NEB: variants seen among roughly 807,000 people sequenced by gnomAD.
NEB encodes the protein nemaline myopathy type 2.
NEB carries 512 observed loss-of-function variants against 952.2 expected under a neutral mutation model. The observed-to-expected ratio is 0.54, with a 90% CI of 0.50 to 0.58. The LOEUF is 0.58. Among genes scored for constraint, NEB ranks in the 20% least tolerant of loss-of-function variants. NEB has a pLI of 0.00. For synonymous variants in NEB, 2,900 were observed against 3,149.8 expected (o/e 0.92, Z 2.66); for missense variants, 8,428 against 9,231.1 (o/e 0.91, Z 3.56).
At chr2:151,554,708 T>TTA (rs2095534433) in intron 125 of NEB, among the ~76,000 whole-genome samples, 2 of 152,250 alleles carry the variant, frequency 1.3e-5, no homozygotes, top group Non-Finnish European at 2.9e-5. Context: ...ACTGTACCTT[T>TTA]TCTATGTTTA....
chr2:151,552,455 C>T (rs1024195874), intron 128 of NEB, among the ~76,000 whole-genome samples: 1 of 152,174 alleles, frequency 6.6e-6, no homozygotes, highest in Non-Finnish European at 1.5e-5. Flanking sequence ...ACTTCATAGA[C>T]TCGCATCACC....
At chr2:151,514,955 G>T in intron 157 of NEB, 27 bp from the exon 158 acceptor site, 2 of 1,404,502 alleles carry the variant, frequency 1.4e-6, no homozygotes, top group Non-Finnish European at 2.0e-6. Context: ...GGAAAGACAA[G>T]TTAAAAAAAA....
intron 40 of NEB, among the ~76,000 whole-genome samples, chr2:151,667,195 A>C (rs949371938): frequency 6.6e-6 from 1 of 151,878 alleles, no homozygotes; most frequent in Non-Finnish European, 1.5e-5. Context: ...CTTCATGGAA[A>C]TTATAAAATT....
At chr2:151,565,265 T>C in intron 116 of NEB, 117 bp from the exon 117 acceptor site, 1 of 670,212 alleles carries the variant, frequency 1.5e-6, no homozygotes, top group East Asian at 2.7e-5. Flanking sequence ...CTGGTTGAAT[T>C]TTAGCCCATT....
rs773556106 is a variant in NEB, at chr2:151,570,277, C to A, written c.17234G>T (p.Arg5745Leu). 4 of 1,613,600 alleles carry A rather than the reference C, an allele frequency of 2.5e-6. No homozygotes were observed. The highest frequency in any genetic ancestry group is 3.4e-6 in the Non-Finnish European group (4 of 1,179,768). Residue 5745 changes from arginine (R) to leucine (L), a missense_variant, in exon 109 of 182, where the codon CGA becomes CTA. Physicochemically the swap from Arg to Leu is moderately radical, Grantham distance 102. Around this residue, in one of 11 missense-constraint regions of NEB, gnomAD observed 3,374 missense variants for 3,651.5 expected, o/e 0.92. Coordinates refer to ENST00000397345, the MANE Select transcript of NEB (RefSeq NM_001164508.2). The part of the protein sequence containing the change: ...ALIADKLQNE[R>L]EYRLDWAKWK... Reference sequence around the variant, plus strand: ...TTTGGCCCAGTCCAGCCGGTACTCTCGTTCATTCTGGAGCTTGTCAGCTAT... The same window carrying A: ...TTTGGCCCAGTCCAGCCGGTACTCTAGTTCATTCTGGAGCTTGTCAGCTAT...
At chr2:151,540,516 C>A in intron 137 of NEB, 68 bp from the exon 138 acceptor site, 1 of 1,292,192 alleles carries the variant, frequency 7.7e-7, no homozygotes. Flanking sequence ...AAGCCACCTA[C>A]AGGTCTTGTG....
intron 63 of NEB, among the ~76,000 whole-genome samples, chr2:151,637,064 G>A (rs572079091): frequency 9.8e-5 from 15 of 152,288 alleles, no homozygotes; most frequent in African/African-American, 3.4e-4. Flanking sequence ...GTCTCTGACT[G>A]TGCGGGGTAC....
At chr2:151,578,489 G>A (rs537717247) in intron 105 of NEB, among the ~76,000 whole-genome samples, 1 of 151,272 alleles carries the variant, frequency 6.6e-6, no homozygotes, top group Admixed American at 6.6e-5. Context: ...ATGAAACCCT[G>A]CCTCTACTAA....
intron 116 of NEB, 63 bp downstream of exon 116, chr2:151,565,438 C>T (rs2153729278): frequency 8.9e-7 from 1 of 1,120,756 alleles, no homozygotes; most frequent in Non-Finnish European, 1.3e-6. Flanking sequence ...TAAGCTAATC[C>T]ACCCAATGAT....
At chr2:151,548,190 T>C (rs1385164100) in intron 131 of NEB, 118 bp downstream of exon 131, 3 of 855,172 alleles carry the variant, frequency 3.5e-6, no homozygotes, top group African/African-American at 1.7e-5. Flanking sequence ...AGGACCTTTT[T>C]CATTTTTTGC....
chr2:151,664,447 A>C, intron 44 of NEB, 54 bp downstream of exon 44: 6 of 1,277,356 alleles, frequency 4.7e-6, no homozygotes, highest in South Asian at 1.5e-5. Context: ...ACACAAGCTT[A>C]GCGCATTTGT....
intron 142 of NEB, among the ~76,000 whole-genome samples, chr2:151,533,833 A>G (rs1425643118): frequency 3.3e-5 from 5 of 152,254 alleles, no homozygotes; most frequent in Non-Finnish European, 5.9e-5. Context: ...TGGAATAGAA[A>G]GATATATAGT....
At position 151,675,349 on chromosome 2, in the gene NEB, T is replaced by C. The variant is rs757339655; in HGVS notation, c.3817A>G (p.Thr1273Ala). The change falls in exon 35 of 182, where the codon ACC becomes GCC. Residue 1273 changes from threonine (T) to alanine (A), a missense_variant. Thr to Ala is a moderately conservative substitution (Grantham distance 58). This residue lies in a region of NEB where 2,851 missense variants were observed against 2,791.5 expected (regional missense o/e 1.02). Transcript: ENST00000397345. The stretch of plus-strand genomic sequence containing the variant: ...AACTGAGGAAGATCAGGACTCATGG[T>C]GTATTTATGTTTCACATCTTCTCCT... Reference protein sequence around the residue: ...AKGEDVKHKYTMSPDLPQFLQ... With the variant: ...AKGEDVKHKYAMSPDLPQFLQ... 18 of 1,592,224 alleles carry C rather than the reference T, an allele frequency of 1.1e-5. No individual in the cohort carries two copies. The East Asian group carries it at 3.6e-4, about 32-fold the overall frequency.
At chr2:151,569,395 A>C in intron 109 of NEB, 23 bp from the exon 110 acceptor site, 1 of 1,570,718 alleles carries the variant, frequency 6.4e-7, no homozygotes. Context: ...GGCCAGAATG[A>C]GTTCAGCAAC....
chr2:151,498,446 G>GAGTA lies in NEB; in HGVS notation c.24115-98_24115-95dup, dbSNP rs377076974. 3.1e-4 allele frequency: 246 copies of GAGTA among 795,670 alleles called. 1 individual carries two copies. Among genetic ancestry groups the GAGTA allele is most frequent in the African/African-American group, 2.4e-3 (138 of 57,348 alleles). 49.3% of individuals were successfully genotyped at this position (795,670 alleles called of 1,614,324 possible). On this transcript the variant is annotated intron_variant, in intron 169 of 181. Transcript: ENST00000397345. ...AGTTGGGAGTGGGAAGGGAGGAAGA[G>GAGTA]AGTAAGTTAGAGGAAGAGAAATACC... is the stretch of plus-strand genomic sequence containing the variant.
chr2:151,571,085 A>G (rs578124296), intron 107 of NEB, among the ~76,000 whole-genome samples: 24 of 152,162 alleles, frequency 1.6e-4, no homozygotes, highest in African/African-American at 5.3e-4. Flanking sequence ...GGCTCACCCC[A>G]AACTCTGCCT....
intron 13 of NEB, among the ~76,000 whole-genome samples, chr2:151,702,809 G>C (rs1205659338): frequency 6.6e-6 from 1 of 152,266 alleles, no homozygotes; most frequent in East Asian, 1.9e-4. Context: ...GATGGGTCTT[G>C]ACTCTTTATC....
chr2:151,520,973 A>G (rs2081569435), intron 153 of NEB, among the ~76,000 whole-genome samples: 1 of 152,214 alleles, frequency 6.6e-6, no homozygotes, highest in Non-Finnish European at 1.5e-5. Context: ...AGTATTGCAG[A>G]ATTAAGGCCA....
chr2:151,500,978 T>TAAG, intron 168 of NEB, among the ~76,000 whole-genome samples: 1 of 152,312 alleles, frequency 6.6e-6, no homozygotes, highest in Admixed American at 6.5e-5. Context: ...GGGTCTATGT[T>TAAG]AAGATGATCC....
Sources: allele counts gnomAD v4.1 joint callset (sites outside exome capture counted in the v4.1 genomes callset), GRCh38; gene constraint gnomAD v4.1.1; regional missense constraint gnomAD v4.1.1; transcripts MANE v1.5; gene names NCBI Gene and HGNC (gene_info 2026-07-23, HGNC 2026-07-21).